The following VPS26C variants were observed in gnomAD, a reference collection of about 807,000 sequenced individuals.
The protein encoded by VPS26C is VPS26 endosomal protein sorting factor C.
In VPS26C, 19 loss-of-function variants were observed where a neutral mutation model predicts 30.6. The observed-to-expected ratio is 0.62, with a 90% CI of 0.43 to 0.91. The LOEUF (loss-of-function observed/expected upper bound fraction) is 0.91. VPS26C is among the 40% of genes least tolerant of loss of function. The pLI is 0.00. For missense variants in VPS26C, 318 were observed against 385.1 expected, an observed-to-expected ratio of 0.83 and a Z score of 1.46; for synonymous variants, 132 against 151.5, an observed-to-expected ratio of 0.87 and a Z score of 0.95.
chr21:37,226,861 G>C lies in VPS26C; in HGVS notation c.811+793C>G, dbSNP rs1054209621. On this transcript the variant is annotated intron_variant, in intron 7 of 7. Coordinates refer to ENST00000309117, the MANE Select transcript of VPS26C (RefSeq NM_006052.2). The surrounding 1 kb of genome is among the most constrained non-coding windows in gnomAD (Gnocchi z 4.1). ...ATCACAGTCCCCTGCTACTGAGAAG[G>C]CTCGGTCCCTTCCTACTGGGTCTCT... 3.9e-5 allele frequency: 6 copies of C among 152,238 alleles called. No homozygotes were observed. The highest frequency in any genetic ancestry group is 1.2e-4 in the African/African-American group (5 of 41,454). The allele number at this position is 152,238 out of a possible 1,614,324, so 9.4% of individuals were successfully genotyped here.
chr21:37,240,776 G>T, intron 1 of VPS26C, 137 bp from the exon 2 acceptor site: 2 of 1,224,802 alleles, frequency 1.6e-6, no homozygotes, highest in Non-Finnish European at 2.2e-6. Context: ...GGATACCAGG[G>T]TGGAGAAGGC....
intron 1 of VPS26C, among the ~76,000 whole-genome samples, chr21:37,255,872 T>TTTTTTTTTA (rs2086237890): frequency 1.4e-5 from 2 of 144,916 alleles, no homozygotes; most frequent in South Asian, 4.4e-4. Context: ...TTTTTTTTTT[T>TTTTTTTTTA]AGATAGAGGC....
At chr21:37,256,594 A>G (rs2086246158) in intron 1 of VPS26C, among the ~76,000 whole-genome samples, 1 of 152,184 alleles carries the variant, frequency 6.6e-6, no homozygotes, top group Non-Finnish European at 1.5e-5. Context: ...ATTTTCTATC[A>G]CCTTGGAAAG....
intron 1 of VPS26C, among the ~76,000 whole-genome samples, chr21:37,248,166 G>C (rs940889119): frequency 2.0e-5 from 3 of 152,020 alleles, no homozygotes; most frequent in African/African-American, 7.3e-5. Context: ...TAGACAGAAA[G>C]AAACAAGGAT....
chr21:37,267,710 A>T (rs1235814494), upstream of VPS26C: 3 of 249,100 alleles, frequency 1.2e-5, no homozygotes. Context: ...CAGCCTGCGC[A>T]GGAAGGATGA....
chr21:37,237,796 A>C (rs2086040443), intron 3 of VPS26C: 2 of 152,214 alleles, frequency 1.3e-5, no homozygotes, highest in Admixed American at 1.3e-4. Context: ...AATAAATCAA[A>C]AAAATTCCTG....
intron 1 of VPS26C, among the ~76,000 whole-genome samples, chr21:37,250,893 C>A (rs1197987831): frequency 6.4e-5 from 8 of 124,322 alleles, no homozygotes; most frequent in African/African-American, 2.4e-4. Flanking sequence ...GAGTGAGACT[C>A]CATTTCAAAA....
At chr21:37,266,105 A>C (rs2086358322) in intron 1 of VPS26C, among the ~76,000 whole-genome samples, 2 of 151,620 alleles carry the variant, frequency 1.3e-5, no homozygotes, top group Admixed American at 1.3e-4. Context: ...TTTAGTAGAG[A>C]CCAGGTTTCA....
At chr21:37,267,087 T>G in intron 1 of VPS26C, 151 bp downstream of exon 1, 1 of 757,890 alleles carries the variant, frequency 1.3e-6, no homozygotes, top group Non-Finnish European at 2.3e-6. Context: ...GGGACGCACC[T>G]GGCGGGAACG....
intron 1 of VPS26C, among the ~76,000 whole-genome samples, chr21:37,242,817 G>A (rs964124755): frequency 1.3e-5 from 2 of 152,156 alleles, no homozygotes; most frequent in Admixed American, 6.5e-5. Context: ...CATCAGTAAA[G>A]CCTTTTCCCT....
chr21:37,234,304 G>A (rs889456880), intron 3 of VPS26C, among the ~76,000 whole-genome samples: 3 of 152,194 alleles, frequency 2.0e-5, no homozygotes, highest in African/African-American at 7.2e-5. Flanking sequence ...ATGTAGCATC[G>A]CACTTGCACA....
rs1224411371 is a variant in VPS26C, at chr21:37,224,547, G to A, written c.*997C>T. On this transcript the variant is annotated 3_prime_UTR_variant, in exon 8 of 8. Transcript: ENST00000309117. The stretch of plus-strand genomic sequence containing the variant: ...ACTGTCTCTCTCTATGTATGTATCT[G>A]TTCAGGGAAATGGCAGCGTGAGATT... 6.6e-6 allele frequency: 1 copy of A among 152,228 alleles called. No individual in the cohort carries two copies. The highest frequency in any genetic ancestry group is 1.5e-5 in the Non-Finnish European group (1 of 68,052). The allele number at this position is 152,228 out of a possible 1,614,324, so 9.4% of individuals were successfully genotyped here.
At chr21:37,238,642 C>T in intron 2 of VPS26C, 33 bp from the exon 3 acceptor site, 2 of 1,609,838 alleles carry the variant, frequency 1.2e-6, no homozygotes. Context: ...TCCATCAGCA[C>T]ACACTTGGAA....
rs1390685817 is a variant in VPS26C, at chr21:37,238,592, G to A, written c.219C>T (p.Asn73=). ...YNSVKPIQII[N]STIEMVKPGK... ...CCGGCTTCACCATTTCTATGGTGCT[G>A]TTGATAATCTGGATAGGCTGTAAAC... Residue 73 remains asparagine, a synonymous_variant, in exon 3 of 8, where the codon AAC becomes AAT. Transcript: ENST00000309117. 2 of 1,614,068 alleles carry A rather than the reference G, an allele frequency of 1.2e-6. No individual in the cohort carries two copies. Among genetic ancestry groups the A allele is most frequent in the South Asian group, 2.2e-5 (2 of 91,094 alleles).
intron 1 of VPS26C, among the ~76,000 whole-genome samples, chr21:37,242,593 GA>G (rs1215221582): frequency 3.3e-5 from 5 of 151,054 alleles, no homozygotes; most frequent in Non-Finnish European, 7.4e-5. Context: ...CTCAAAAAAA[GA>G]AAAAAAAATT....
intron 5 of VPS26C, chr21:37,228,923 C>T (rs113038369): frequency 0.011 from 1,588 of 150,930 alleles, 17 homozygotes; most frequent in East Asian, 0.029. Context: ...GTCTCAGTTA[C>T]GTGGGAGGCA....
In VPS26C at chr21:37,233,254, C is replaced by A; in HGVS notation, c.432+108G>T. 1 of 928,936 alleles carries A rather than the reference C, an allele frequency of 1.1e-6. No individual in the cohort carries two copies. The highest frequency in any genetic ancestry group is 1.7e-6 in the Non-Finnish European group (1 of 579,668). The allele number at this position is 928,936 out of a possible 1,614,324, so 57.5% of individuals were successfully genotyped here. On this transcript the variant is annotated intron_variant, in intron 4 of 7. Coordinates refer to ENST00000309117, the MANE Select transcript of VPS26C (RefSeq NM_006052.2). This position sits in a 1 kb window ranked among gnomAD's most constrained non-coding sequence, Gnocchi z 5.2. ...AGAAGTCTTGTGTCTTCTGCCAGCA[C>A]CCGTGAAACAGTAAGAGGCTAAATG...
chr21:37,257,752 C>G lies in VPS26C; in HGVS notation c.57+9486G>C, dbSNP rs1165109066. On this transcript the variant is annotated intron_variant, in intron 1 of 7. Transcript: ENST00000309117. The surrounding 1 kb of genome is among the most constrained non-coding windows in gnomAD (Gnocchi z 4.2). ...GGAGGGGAGGGAAAGGGGTGGGGAG[C>G]GAGGGTACCAGAGGCGTGGGAGGAC... Among the ~76,000 whole-genome samples the G allele has an allele frequency of 6.6e-6, 1 of 151,876 alleles. No individual in the cohort carries two copies. The highest frequency in any genetic ancestry group is 2.4e-5 in the African/African-American group (1 of 41,314).
rs561073211 is a variant in VPS26C, at chr21:37,235,419, C to T, written c.352-1977G>A. On this transcript the variant is annotated intron_variant, in intron 3 of 7. Coordinates refer to ENST00000309117, the MANE Select transcript of VPS26C (RefSeq NM_006052.2). The stretch of plus-strand genomic sequence containing the variant: ...AAACTGCTGGGATTACAGGCGTGAG[C>T]CACGGTGCCCAGCCCTGTCCATAGT... Among the ~76,000 whole-genome samples the T allele has an allele frequency of 3.9e-5, 6 of 152,338 alleles. No individual in the cohort carries two copies. The South Asian group carries it at 1.2e-3, about 32-fold the overall frequency.
Sources: gnomAD v4.1 joint callset for allele counts (sites outside exome capture counted in the v4.1 genomes callset) on GRCh38, gnomAD v4.1.1 for gene constraint, Gnocchi (gnomAD v3.1) non-coding constraint, MANE v1.5 for transcripts, NCBI Gene and HGNC (gene_info 2026-07-23, HGNC 2026-07-21) for gene names.